The following ADK variants were observed in gnomAD, a reference collection of about 807,000 sequenced individuals.
ADK encodes the protein adenosine kinase.
ADK carries 24 observed loss-of-function variants against 44.7 expected under a neutral mutation model. The ratio of observed to expected loss-of-function variants is 0.54; its 90% CI spans 0.39 to 0.76. The LOEUF (loss-of-function observed/expected upper bound fraction) is 0.76. Among genes scored for constraint, ADK ranks in the 30% least tolerant of loss-of-function variants. ADK has a pLI of 0.00. For synonymous variants in ADK, 128 were observed against 142.6 expected, an observed-to-expected ratio of 0.90 and a Z score of 0.73; for missense variants, 321 against 425.1, an observed-to-expected ratio of 0.76 and a Z score of 2.15.
At chr10:74,249,275 T>C (rs1406512999) in intron 3 of ADK, among the ~76,000 whole-genome samples, 1 of 152,202 alleles carries the variant, frequency 6.6e-6, no homozygotes, top group Non-Finnish European at 1.5e-5. Context: ...GTTCTTACTA[T>C]TAGTTTTGAA....
intron 3 of ADK, among the ~76,000 whole-genome samples, chr10:74,299,310 A>C (rs12356357): frequency 6.8e-6 from 1 of 147,706 alleles, no homozygotes; most frequent in Non-Finnish European, 1.5e-5. Flanking sequence ...CCTGGCCAAC[A>C]TGGTGAAACC....
intron 4 of ADK, among the ~76,000 whole-genome samples, chr10:74,334,245 A>T (rs1353837708): frequency 6.6e-6 from 1 of 152,214 alleles, no homozygotes; most frequent in Admixed American, 6.5e-5. Flanking sequence ...TGAAGACTGT[A>T]AGGTTCTGAC....
intron 4 of ADK, among the ~76,000 whole-genome samples, chr10:74,387,766 C>A (rs1843193046): frequency 6.6e-6 from 1 of 152,130 alleles, no homozygotes; most frequent in African/African-American, 2.4e-5. Flanking sequence ...TTTTCCTATT[C>A]CTCCAGTTAG....
intron 6 of ADK, among the ~76,000 whole-genome samples, chr10:74,455,966 G>A (rs1444496667): frequency 1.3e-5 from 2 of 152,098 alleles, no homozygotes; most frequent in African/African-American, 4.8e-5. Context: ...TGAATCTGAC[G>A]ATTACATTGT....
chr10:74,336,184 A>G (rs1184680513), intron 4 of ADK, among the ~76,000 whole-genome samples: 1 of 151,124 alleles, frequency 6.6e-6, no homozygotes, highest in Non-Finnish European at 1.5e-5. Flanking sequence ...AGTTTTGTGT[A>G]TATTGGGTGA....
At chr10:74,188,362 T>TTTG (rs1842837177) in intron 1 of ADK, among the ~76,000 whole-genome samples, 1 of 129,730 alleles carries the variant, frequency 7.7e-6, no homozygotes, top group Admixed American at 7.1e-5. Context: ...TTTTTTTTTT[T>TTTG]TTTTGAGACG....
intron 9 of ADK, among the ~76,000 whole-genome samples, chr10:74,607,460 TA>T (rs943946872): frequency 5.3e-5 from 8 of 152,218 alleles, no homozygotes; most frequent in African/African-American, 1.7e-4. Context: ...TGCTTGTCTT[TA>T]AAGGATTTTA....
intron 2 of ADK, among the ~76,000 whole-genome samples, chr10:74,217,739 G>A (rs1184576328): frequency 3.3e-5 from 5 of 151,680 alleles, no homozygotes; most frequent in African/African-American, 9.7e-5. Context: ...TGCAGCCACC[G>A]CTGCTGATAC....
intron 9 of ADK, among the ~76,000 whole-genome samples, chr10:74,643,564 A>G (rs1194904319): frequency 6.6e-6 from 1 of 152,070 alleles, no homozygotes; most frequent in Non-Finnish European, 1.5e-5. Context: ...AACTCTTGCT[A>G]TTTCAAAGTT....
chr10:74,309,169 G>A (rs1840354748), intron 3 of ADK, among the ~76,000 whole-genome samples: 1 of 151,836 alleles, frequency 6.6e-6, no homozygotes. Context: ...TTCTTCTGTC[G>A]CTTTTGTATT....
chr10:74,365,953 C>G (rs73288030), intron 4 of ADK, among the ~76,000 whole-genome samples: 1 of 152,066 alleles, frequency 6.6e-6, no homozygotes, highest in Non-Finnish European at 1.5e-5. Context: ...TATGATTTGC[C>G]TTTTCCTAAT....
At chr10:74,503,638 A>G (rs1847951986) in intron 6 of ADK, among the ~76,000 whole-genome samples, 1 of 152,210 alleles carries the variant, frequency 6.6e-6, no homozygotes, top group African/African-American at 2.4e-5. Context: ...GCATTTTGAG[A>G]CAAAGAGATA....
intron 9 of ADK, among the ~76,000 whole-genome samples, chr10:74,647,092 G>A (rs1183919075): frequency 6.6e-6 from 1 of 150,498 alleles, no homozygotes; most frequent in Non-Finnish European, 1.5e-5. Context: ...AATAAACATA[G>A]TCATTTCCTT....
intron 6 of ADK, among the ~76,000 whole-genome samples, chr10:74,511,219 A>T (rs527841359): frequency 1.3e-5 from 2 of 152,082 alleles, no homozygotes; most frequent in Non-Finnish European, 2.9e-5. Context: ...CCATTGGTCT[A>T]TATGTCTGTT....
At chr10:74,485,570 T>A (rs1223812445) in intron 6 of ADK, among the ~76,000 whole-genome samples, 1 of 152,114 alleles carries the variant, frequency 6.6e-6, no homozygotes, top group Non-Finnish European at 1.5e-5. Context: ...TTATACCAGT[T>A]GATAAAAATT....
At chr10:74,649,860 A>T (rs1854197719) in intron 9 of ADK, among the ~76,000 whole-genome samples, 1 of 152,182 alleles carries the variant, frequency 6.6e-6, no homozygotes, top group African/African-American at 2.4e-5. Flanking sequence ...AAAAATATGA[A>T]TACTTGTCCC....
intron 5 of ADK, among the ~76,000 whole-genome samples, chr10:74,396,349 C>T (rs1440116519): frequency 2.0e-5 from 3 of 152,128 alleles, no homozygotes; most frequent in African/African-American, 7.2e-5. Flanking sequence ...GCCTGGCCAA[C>T]ATGGCGAAAC....
At chr10:74,689,011 G>A (rs868650681) in intron 10 of ADK, among the ~76,000 whole-genome samples, 2 of 152,116 alleles carry the variant, frequency 1.3e-5, no homozygotes, top group African/African-American at 4.8e-5. Flanking sequence ...CCAGCACTTT[G>A]GGAGGCCGAG....
chr10:74,615,365 A>C (rs565515756), intron 9 of ADK, among the ~76,000 whole-genome samples: 1 of 152,080 alleles, frequency 6.6e-6, no homozygotes, highest in East Asian at 1.9e-4. Context: ...TTGGGGTTTT[A>C]TTTTCTCAAT....
Sources: gnomAD v4.1 joint callset for allele counts (sites outside exome capture counted in the v4.1 genomes callset) on GRCh38, gnomAD v4.1.1 for gene constraint, MANE v1.5 for transcripts, NCBI Gene and HGNC (gene_info 2026-07-23, HGNC 2026-07-21) for gene names.